CPZ: variants seen among roughly 807,000 people sequenced by gnomAD.
CPZ encodes carboxypeptidase Z.
In CPZ, 103 loss-of-function variants were observed where a neutral mutation model predicts 61.8. The ratio of observed to expected loss-of-function variants is 1.67; its 90% CI spans 1.42 to 1.96. The LOEUF is 1.96. Ranked by LOEUF, CPZ falls within the 30% of genes most tolerant of loss-of-function variation. The pLI is 0.00. For missense variants in CPZ, 1,461 were observed against 914.9 expected, an observed-to-expected ratio of 1.60 and a Z score of -7.70; for synonymous variants, 551 against 373.7, an observed-to-expected ratio of 1.47 and a Z score of -5.47.
At chr4:8,600,829 C>T (rs904352388) in intron 2 of CPZ, 16 of 808,146 alleles carry the variant, frequency 2.0e-5, no homozygotes, top group African/African-American at 7.1e-5. Flanking sequence ...GCTGCCTTCA[C>T]GGGCCCTTGT....
chr4:8,609,136 TTA>T (rs1560297954), intron 7 of CPZ, among the ~76,000 whole-genome samples: 4 of 131,634 alleles, frequency 3.0e-5, no homozygotes, highest in Non-Finnish European at 5.2e-5. Context: ...ATTCACTCAT[TTA>T]CTCATTCACC....
chr4:8,615,098 G>A (rs1431955464), intron 9 of CPZ, among the ~76,000 whole-genome samples: 1 of 152,094 alleles, frequency 6.6e-6, no homozygotes, highest in African/African-American at 2.4e-5. Flanking sequence ...AGAGTGAAGG[G>A]TATAGGCAGG....
intron 8 of CPZ, among the ~76,000 whole-genome samples, chr4:8,612,805 GGCTCA>G (rs1435865058): frequency 1.3e-5 from 2 of 152,200 alleles, no homozygotes; most frequent in Non-Finnish European, 2.9e-5. Context: ...GAGAGCGCTG[GGCTCA>G]GCTGAGAGAA....
chr4:8,609,225 C>CCCTCACTCACTT (rs1285722591), intron 7 of CPZ, among the ~76,000 whole-genome samples: 153 of 52,702 alleles, frequency 2.9e-3, no homozygotes, highest in Admixed American at 5.8e-3. Flanking sequence ...TTCACTTACT[C>CCCTCACTCACTT]ACTCATTGTC....
At chr4:8,604,938 C>T (rs1277686109) in intron 4 of CPZ, among the ~76,000 whole-genome samples, 1 of 152,204 alleles carries the variant, frequency 6.6e-6, no homozygotes, top group Non-Finnish European at 1.5e-5. Context: ...TTACCAGGGG[C>T]CAGAGGCCAC....
intron 1 of CPZ, 146 bp from the exon 2 acceptor site, chr4:8,599,307 G>C: frequency 1.1e-6 from 1 of 888,990 alleles, no homozygotes; most frequent in South Asian, 2.3e-5. Flanking sequence ...CTGCCTCAGG[G>C]GCTGCTGTGA....
chr4:8,609,096 T>G (rs952264225), intron 7 of CPZ, among the ~76,000 whole-genome samples: 612 of 56,030 alleles, frequency 0.011, 13 homozygotes, highest in Non-Finnish European at 0.016. Context: ...ACCCATTCAC[T>G]CACTCACTCC....
intron 9 of CPZ, chr4:8,618,097 G>A (rs553126207): frequency 1.2e-5 from 4 of 325,184 alleles, no homozygotes; most frequent in Non-Finnish European, 2.3e-5. Context: ...GGGAAGGCAG[G>A]GAAGGAATGC....
chr4:8,592,816 A>G lies in CPZ; in HGVS notation c.-18A>G, dbSNP rs1391120465. 4 of 1,441,212 alleles carry G rather than the reference A, an allele frequency of 2.8e-6. No individual in the cohort carries two copies. The highest frequency in any genetic ancestry group is 2.8e-5 in the South Asian group (2 of 70,940). 89.3% of individuals were successfully genotyped at this position (1,441,212 alleles called of 1,614,324 possible). A position where few individuals can be genotyped will look rare whatever the true frequency, so the allele number is the denominator to read the frequency against. On this transcript the variant is annotated 5_prime_UTR_variant, in exon 1 of 11. Transcript: ENST00000360986. ...TGCCACATCACTGCGCTGGCCGTCCAAGGTCCGCCGCCCCACCATGCCGCC... is the reference window on the plus strand; with the variant it reads ...TGCCACATCACTGCGCTGGCCGTCCGAGGTCCGCCGCCCCACCATGCCGCC...
At chr4:8,599,347 T>G (rs1577108791) in intron 1 of CPZ, 106 bp from the exon 2 acceptor site, 1 of 1,306,782 alleles carries the variant, frequency 7.7e-7, no homozygotes. Flanking sequence ...TGGCGGAGGG[T>G]GGCCTGGGCT....
At chr4:8,609,175 TTCACTCAGGCATTCAC>T (rs1715372408) in intron 7 of CPZ, among the ~76,000 whole-genome samples, 2 of 108,280 alleles carry the variant, frequency 1.8e-5, no homozygotes, top group African/African-American at 7.2e-5. Flanking sequence ...CACTCACCCA[TTCACTCAGGCATTCAC>T]TCACTCCCTC....
intron 7 of CPZ, among the ~76,000 whole-genome samples, chr4:8,609,516 C>T (rs35322306): frequency 0.01 from 1,567 of 152,360 alleles, 11 homozygotes; most frequent in Non-Finnish European, 0.014. Flanking sequence ...TGCAAGTGCC[C>T]GCAGAGGTGA....
At chr4:8,600,994 C>T in intron 2 of CPZ, 129 bp from the exon 3 acceptor site, 1 of 1,422,714 alleles carries the variant, frequency 7.0e-7, no homozygotes, top group Non-Finnish European at 9.2e-7. Flanking sequence ...TCCTGGTCCT[C>T]CCCTGCCAGA....
chr4:8,603,969 C>T lies in CPZ; in HGVS notation c.497-7C>T. The T allele has an allele frequency of 2.5e-6, 4 of 1,611,484 alleles. No individual in the cohort carries two copies. Among genetic ancestry groups the T allele is most frequent in the Non-Finnish European group, 3.4e-6 (4 of 1,179,540 alleles). ...ACACTGACTGAGCCCCCCCACTGCT[C>T]CCCCAGGAGGCCTGGAGGCTGACGA... On this transcript the variant is annotated splice_region_variant and splice_polypyrimidine_tract_variant and intron_variant, in intron 3 of 10. Transcript: ENST00000360986.
At chr4:8,606,990 A>C in intron 6 of CPZ, 92 bp downstream of exon 6, 2 of 1,423,688 alleles carry the variant, frequency 1.4e-6, no homozygotes, top group Non-Finnish European at 1.9e-6. Context: ...TTCCCTGGGG[A>C]CAGGAGAGCC....
intron 9 of CPZ, among the ~76,000 whole-genome samples, chr4:8,615,397 T>C (rs1716076884): frequency 6.6e-6 from 1 of 152,218 alleles, no homozygotes; most frequent in Admixed American, 6.5e-5. Context: ...CAGCCTGCGT[T>C]CGAAGAAGCT....
In CPZ at chr4:8,592,934, C is replaced by T. The variant is rs745553654; in HGVS notation, c.88+13C>T. 14 of 1,523,460 alleles carry T rather than the reference C, an allele frequency of 9.2e-6. No individual in the cohort carries two copies. The African/African-American group carries it at 1.8e-4, about 20-fold the overall frequency. 94.4% of individuals were successfully genotyped at this position (1,523,460 alleles called of 1,614,324 possible). On this transcript the variant is annotated intron_variant, in intron 1 of 10. Transcript: ENST00000360986. ...CGGAACCCCGCCGGTAAGGCCGTCC[C>T]CTGCCCCCACCCTCCACCCTCCACC...
Position 8,619,532 on chromosome 4 carries a change from C to T in CPZ, c.1874C>T (p.Pro625Leu), listed in dbSNP as rs765879014. The stretch of plus-strand genomic sequence containing the variant: ...GACCCGCTCCGGGCGCGCAGGCAGC[C>T]CTCGGCCGACGGGAGTAAGCCCTGG... ...EPDPLRARRQ[P>L]SADGSKPWWW... The change falls in exon 11 of 11, where the codon CCC becomes CTC. Residue 625 changes from proline to leucine, a missense_variant. By Grantham distance (98) the Pro-to-Leu change is moderately conservative (BLOSUM62 -3). Transcript: ENST00000360986. The T allele has an allele frequency of 1.9e-6, 3 of 1,581,926 alleles. No homozygotes were observed. The highest frequency in any genetic ancestry group is 2.6e-6 in the Non-Finnish European group (3 of 1,163,096).
chr4:8,614,367 G>T lies in CPZ; in HGVS notation c.1372G>T (p.Asp458Tyr), dbSNP rs374417878. The T allele has an allele frequency of 1.2e-6, 2 of 1,613,304 alleles. No homozygotes were observed. Among genetic ancestry groups the T allele is most frequent in the Non-Finnish European group, 1.7e-6 (2 of 1,179,636 alleles). The change falls in exon 9 of 11, where the codon GAT becomes TAT. Residue 458 changes from aspartate (D) to tyrosine (Y), a missense_variant. By Grantham distance (160) the Asp-to-Tyr change is radical. Coordinates refer to ENST00000360986, the MANE Select transcript of CPZ (RefSeq NM_001014447.3). ...CTGTCTCTGTGCCACAGGCATGTCC[G>T]ATTTCAACTACCTGCACACCAACTG... is the stretch of plus-strand genomic sequence containing the variant. ...DWYSFTGGMS[D>Y]FNYLHTNCFE...
Sources: allele counts gnomAD v4.1 joint callset (sites outside exome capture counted in the v4.1 genomes callset), GRCh38; gene constraint gnomAD v4.1.1; transcripts MANE v1.5; gene names NCBI Gene and HGNC (gene_info 2026-07-23, HGNC 2026-07-21).